The following SAMD12 variants were observed in gnomAD, a reference collection of about 807,000 sequenced individuals.
The protein encoded by SAMD12 is sterile alpha motif domain containing 12, also known as sterile alpha motif domain-containing protein 12.
A neutral mutation model predicts 15.0 loss-of-function variants in SAMD12; 9 were observed. The observed-to-expected ratio is 0.60, with a 90% CI of 0.36 to 1.05. The LOEUF is 1.05. SAMD12 is among the 50% of genes least tolerant of loss of function. The pLI is 0.01. For synonymous variants in SAMD12, 86 were observed against 90.1 expected (o/e 0.96, Z 0.25); for missense variants, 230 against 234.2 (o/e 0.98, Z 0.12).
intron 4 of SAMD12, among the ~76,000 whole-genome samples, chr8:118,267,213 C>T (rs1813224708): frequency 6.6e-6 from 1 of 152,120 alleles, no homozygotes; most frequent in Non-Finnish European, 1.5e-5. Context: ...CCCTCCTCCA[C>T]CTCAGCCTTT....
At chr8:118,219,367 C>G (rs1278782829) in intron 4 of SAMD12, among the ~76,000 whole-genome samples, 1 of 152,144 alleles carries the variant, frequency 6.6e-6, no homozygotes, top group Non-Finnish European at 1.5e-5. Context: ...TGATAAATAC[C>G]TTTTAAATAA....
chr8:118,274,951 C>T (rs1813438630), intron 4 of SAMD12, among the ~76,000 whole-genome samples: 1 of 152,178 alleles, frequency 6.6e-6, no homozygotes, highest in Non-Finnish European at 1.5e-5. Flanking sequence ...ACAAGTTATG[C>T]TCTATCCCAT....
At chr8:118,600,177 C>G (rs1010036250) in intron 1 of SAMD12, among the ~76,000 whole-genome samples, 3 of 152,024 alleles carry the variant, frequency 2.0e-5, no homozygotes, top group African/African-American at 7.3e-5. Flanking sequence ...ATCCTGAGTG[C>G]AGCAGGGTGC....
At chr8:118,621,136 C>T (rs148362147) in intron 1 of SAMD12, 1 of 152,498 alleles carries the variant, frequency 6.6e-6, no homozygotes, top group Non-Finnish European at 1.5e-5. Flanking sequence ...AAGCTCAAGA[C>T]TGTAAGAAGA....
chr8:118,190,132 C>G (rs1306576615), exon 5 of SAMD12: 1 of 152,050 alleles, frequency 6.6e-6, no homozygotes, highest in Admixed American at 6.6e-5. Context: ...CTGACATGTG[C>G]TTTTTAGCCA....
chr8:118,355,020 C>T (rs1234641073), intron 4 of SAMD12, among the ~76,000 whole-genome samples: 1 of 152,178 alleles, frequency 6.6e-6, no homozygotes, highest in East Asian at 1.9e-4. Flanking sequence ...CCATTTGATC[C>T]AGCAATCCCA....
At chr8:118,420,855 G>C (rs1009070979) in intron 3 of SAMD12, among the ~76,000 whole-genome samples, 8 of 152,114 alleles carry the variant, frequency 5.3e-5, no homozygotes, top group African/African-American at 1.9e-4. Flanking sequence ...ATTAGAATAG[G>C]GGTTGGCAAA....
intron 4 of SAMD12, among the ~76,000 whole-genome samples, chr8:118,321,885 A>T (rs1184860104): frequency 6.6e-6 from 1 of 152,200 alleles, no homozygotes; most frequent in Non-Finnish European, 1.5e-5. Context: ...AAATATAAAT[A>T]CTTTAGTTGT....
chr8:118,394,811 G>C (rs1820470770), intron 3 of SAMD12: 1 of 152,214 alleles, frequency 6.6e-6, no homozygotes, highest in Non-Finnish European at 1.5e-5. Context: ...GTTGGAAGAA[G>C]ATGGGAGAAA....
chr8:118,501,493 C>T (rs1322756061), intron 2 of SAMD12, among the ~76,000 whole-genome samples: 1 of 152,166 alleles, frequency 6.6e-6, no homozygotes, highest in Non-Finnish European at 1.5e-5. Flanking sequence ...AATGTCTCAT[C>T]TCCAAGAGAC....
rs199981888 is a variant in SAMD12, at chr8:118,551,055, CTT to C, written c.192+29658_192+29659del. On this transcript the variant is annotated intron_variant, in intron 2 of 3. Transcript: ENST00000314727. Reference sequence around the variant, plus strand: ...AAGTCCTGAGTGACCTACAAGGAGACTTAGACCACACATTAATAATGGGAGAC... The same window carrying C: ...AAGTCCTGAGTGACCTACAAGGAGACAGACCACACATTAATAATGGGAGAC... Among the ~76,000 whole-genome samples, 196 of 152,088 alleles carry C rather than the reference CTT, an allele frequency of 1.3e-3. 1 individual carries two copies. The highest frequency in any genetic ancestry group is 4.2e-3 in the African/African-American group (173 of 41,508).
intron 4 of SAMD12, among the ~76,000 whole-genome samples, chr8:118,320,575 C>T (rs1586517693): frequency 6.9e-6 from 1 of 145,326 alleles, no homozygotes; most frequent in Non-Finnish European, 1.5e-5. Flanking sequence ...TTTAAAAAAA[C>T]CAAACACTGC....
At chr8:118,536,451 C>G (rs144250385) in intron 2 of SAMD12, among the ~76,000 whole-genome samples, 9 of 149,714 alleles carry the variant, frequency 6.0e-5, no homozygotes, top group African/African-American at 2.2e-4. Flanking sequence ...CAAACACACA[C>G]ACACACACAC....
chr8:118,510,895 A>T (rs569518037), intron 2 of SAMD12, among the ~76,000 whole-genome samples: 55 of 152,356 alleles, frequency 3.6e-4, no homozygotes, highest in Non-Finnish European at 7.2e-4. Context: ...GAAATTGTGA[A>T]TGTGGTTACT....
intron 4 of SAMD12, among the ~76,000 whole-genome samples, chr8:118,351,835 G>C (rs1817979315): frequency 6.6e-6 from 1 of 152,176 alleles, no homozygotes; most frequent in Non-Finnish European, 1.5e-5. Flanking sequence ...GCAGAAACAA[G>C]AGAAAATGAG....
At chr8:118,450,130 C>A (rs1241431014) in intron 2 of SAMD12, among the ~76,000 whole-genome samples, 1 of 152,182 alleles carries the variant, frequency 6.6e-6, no homozygotes, top group Non-Finnish European at 1.5e-5. Flanking sequence ...TGTGTAAATG[C>A]CACTGCTCAC....
intron 2 of SAMD12, among the ~76,000 whole-genome samples, chr8:118,456,377 C>A (rs555894467): frequency 1.3e-5 from 2 of 152,226 alleles, no homozygotes; most frequent in Admixed American, 6.5e-5. Flanking sequence ...CCCGTCTTCA[C>A]TATATCCCTT....
At chr8:118,482,413 G>C (rs1205149849) in intron 2 of SAMD12, among the ~76,000 whole-genome samples, 1 of 152,122 alleles carries the variant, frequency 6.6e-6, no homozygotes, top group African/African-American at 2.4e-5. Context: ...TGACCCTCCA[G>C]ATCAGTAGTT....
At chr8:118,452,436 T>C (rs1282022752) in intron 2 of SAMD12, among the ~76,000 whole-genome samples, 1 of 152,206 alleles carries the variant, frequency 6.6e-6, no homozygotes, top group African/African-American at 2.4e-5. Context: ...TTCTTATACA[T>C]TTGTATTTAC....
Sources: allele counts gnomAD v4.1 joint callset (sites outside exome capture counted in the v4.1 genomes callset), GRCh38; gene constraint gnomAD v4.1.1; transcripts MANE v1.5; gene names NCBI Gene and HGNC (gene_info 2026-07-23, HGNC 2026-07-21).